PI4KA: variants seen among roughly 807,000 people sequenced by gnomAD.
PI4KA encodes PI4-kinase alpha.
In PI4KA, 122 loss-of-function variants were observed where a neutral mutation model predicts 271.4. The observed-to-expected ratio is 0.45, with a 90% CI of 0.39 to 0.52. The LOEUF (loss-of-function observed/expected upper bound fraction) is 0.52, where lower values mean the gene tolerates loss of function less well. Ranked by LOEUF, PI4KA falls within the 20% of genes least tolerant of loss-of-function variation. The pLI, the probability that PI4KA is intolerant of heterozygous loss-of-function variation, is 0.00. For synonymous variants in PI4KA, 1,041 were observed against 1,078.8 expected (o/e 0.96, Z 0.69); for missense variants, 1,969 against 2,769.1 (o/e 0.71, Z 6.48).
intron 3 of PI4KA, among the ~76,000 whole-genome samples, chr22:20,829,212 A>G: frequency 6.6e-6 from 1 of 152,054 alleles, no homozygotes; most frequent in East Asian, 1.9e-4. Context: ...ATTTTTTGTA[A>G]TAGTTTCAGT....
At chr22:20,754,184 C>A (rs1454003497) in intron 23 of PI4KA, among the ~76,000 whole-genome samples, 3 of 152,078 alleles carry the variant, frequency 2.0e-5, no homozygotes, top group Non-Finnish European at 4.4e-5. Flanking sequence ...ATCTCCCAGG[C>A]TCAAGGGATC....
At chr22:20,744,112 T>G (rs1929783761) in intron 30 of PI4KA, among the ~76,000 whole-genome samples, 1 of 152,076 alleles carries the variant, frequency 6.6e-6, no homozygotes, top group African/African-American at 2.4e-5. Flanking sequence ...CTTCTGAGTT[T>G]ATGGAGCAGG....
At chr22:20,770,269 T>C (rs1601448573) in intron 19 of PI4KA, among the ~76,000 whole-genome samples, 1 of 151,416 alleles carries the variant, frequency 6.6e-6, no homozygotes. Context: ...TCCTAGCACT[T>C]TGGGAGGCTG....
chr22:20,732,431 C>G (rs1313761529), intron 36 of PI4KA, among the ~76,000 whole-genome samples: 1 of 152,172 alleles, frequency 6.6e-6, no homozygotes, highest in Non-Finnish European at 1.5e-5. Flanking sequence ...CATACCCTTC[C>G]CTGGAATGCT....
chr22:20,829,318 T>C (rs1214613014), intron 3 of PI4KA, among the ~76,000 whole-genome samples: 1 of 152,222 alleles, frequency 6.6e-6, no homozygotes, highest in Non-Finnish European at 1.5e-5. Context: ...TTTTTACTAC[T>C]GACTCAATTT....
At position 20,753,019 on chromosome 22, in the gene PI4KA, G is replaced by C. The variant is rs149585703; in HGVS notation, c.2871C>G (p.Thr957=). ...FLNMMADKAK[T]KENEEELERH... is the part of the protein sequence containing the mutation. Reference sequence around the variant, plus strand: ...GCTCCAGCTCCTCCTCGTTCTCCTTGGTCTTGGCCTAGAGATGCAAAAGAA... The same window carrying C: ...GCTCCAGCTCCTCCTCGTTCTCCTTCGTCTTGGCCTAGAGATGCAAAAGAA... The change falls in exon 25 of 55, where the codon ACC becomes ACG. Residue 957 remains threonine (T), a synonymous_variant. Coordinates refer to ENST00000255882, the MANE Select transcript of PI4KA (RefSeq NM_058004.4). 3 of 1,614,038 alleles carry C rather than the reference G, an allele frequency of 1.9e-6. No homozygotes were observed. The highest frequency in any genetic ancestry group is 2.5e-6 in the Non-Finnish European group (3 of 1,180,020).
At chr22:20,727,960 A>G in intron 39 of PI4KA, 96 bp from the exon 40 acceptor site, 1 of 818,130 alleles carries the variant, frequency 1.2e-6, no homozygotes, top group Admixed American at 2.5e-5. Flanking sequence ...GAAACACTGA[A>G]CTGGAGGGAT....
intron 43 of PI4KA, among the ~76,000 whole-genome samples, chr22:20,720,580 TGTG>T (rs1272419729): frequency 6.6e-6 from 1 of 152,160 alleles, no homozygotes; most frequent in Non-Finnish European, 1.5e-5. Flanking sequence ...ACTTCTCAAG[TGTG>T]GTGCAGTATC....
rs1484827617 is a variant in PI4KA, at chr22:20,787,249, A to G, written c.2328+5944T>C. 4 of 642,580 alleles carry G rather than the reference A, an allele frequency of 6.2e-6. No homozygotes were observed. The African/African-American group carries it at 7.3e-5, about 12-fold the overall frequency. The allele number at this position is 642,580 out of a possible 1,614,324, so 39.8% of individuals were successfully genotyped here. A position where few individuals can be genotyped will look rare whatever the true frequency, so the allele number is the denominator to read the frequency against. On this transcript the variant is annotated intron_variant, in intron 19 of 54. Coordinates refer to ENST00000255882, the MANE Select transcript of PI4KA (RefSeq NM_058004.4). ...AGAGGCTTGTTGGAATCAATTCTGC[A>G]CAATAGCCCATGCTGTAAGCTCATA...
rs886192073 is a variant in PI4KA at position 20,759,402 on chromosome 22, CTTTTTTTTTT to C, written c.2791+1892_2791+1901del. ...TTGATTTTTCTTTTTCTTTTCTTTTCTTTTTTTTTTTTTTTTTTTTTGAGACAGAGTCTCT... is the reference window on the plus strand; with the variant it reads ...TTGATTTTTCTTTTTCTTTTCTTTTCTTTTTTTTTTTGAGACAGAGTCTCT... On this transcript the variant is annotated intron_variant, in intron 23 of 54. Coordinates refer to ENST00000255882, the MANE Select transcript of PI4KA (RefSeq NM_058004.4). Among the ~76,000 whole-genome samples the C allele has an allele frequency of 3.7e-3, 381 of 102,896 alleles. 4 individuals are homozygous for C. The highest frequency in any genetic ancestry group is 5.9e-3 in the Admixed American group (52 of 8,866). 67.5% of individuals were successfully genotyped at this position (102,896 alleles called of 152,430 possible). A position where few individuals can be genotyped will look rare whatever the true frequency, so the allele number is the denominator to read the frequency against.
chr22:20,849,839 G>A (rs182220867), intron 1 of PI4KA, among the ~76,000 whole-genome samples: 2 of 152,082 alleles, frequency 1.3e-5, no homozygotes, highest in South Asian at 4.1e-4. Context: ...GGGCTCCAGA[G>A]CGAAACTCTG....
At chr22:20,807,566 T>TA in intron 9 of PI4KA, 108 bp from the exon 10 acceptor site, 1 of 655,112 alleles carries the variant, frequency 1.5e-6, no homozygotes, top group East Asian at 2.7e-5. Context: ...CTTAGCATTC[T>TA]AAATGAAGCA....
chr22:20,793,474 T>G, intron 18 of PI4KA: 1 of 454,804 alleles, frequency 2.2e-6, no homozygotes, highest in Middle Eastern at 6.1e-4. Flanking sequence ...ATTACATAAA[T>G]CATGGTACTT....
chr22:20,792,276 G>A (rs974604036), intron 19 of PI4KA, among the ~76,000 whole-genome samples: 2 of 152,166 alleles, frequency 1.3e-5, no homozygotes, highest in Admixed American at 6.5e-5. Context: ...GAATAATGAT[G>A]AACACTCAGA....
chr22:20,756,360 A>C (rs879430703), intron 23 of PI4KA, among the ~76,000 whole-genome samples: 534 of 152,042 alleles, frequency 3.5e-3, no homozygotes, highest in Non-Finnish European at 6.1e-3. Flanking sequence ...AGGTGGGATT[A>C]CAGGCATGCG....
In PI4KA at chr22:20,784,199, C is replaced by T. The variant is rs142898872; in HGVS notation, c.2328+8994G>A. On this transcript the variant is annotated intron_variant, in intron 19 of 54. Coordinates refer to ENST00000255882, the MANE Select transcript of PI4KA (RefSeq NM_058004.4). Reference sequence around the variant, plus strand: ...TGGGATGAAGACCCTCGAAGCGCAACTGACACCCCGGGTGGTGGAGAGATG... The same window carrying T: ...TGGGATGAAGACCCTCGAAGCGCAATTGACACCCCGGGTGGTGGAGAGATG... 8.7e-6 allele frequency: 14 copies of T among 1,614,214 alleles called. No homozygotes were observed. In the African/African-American group the frequency reaches 1.5e-4, roughly 17 times the overall value.
At chr22:20,746,069 T>C (rs1448116232) in intron 29 of PI4KA, among the ~76,000 whole-genome samples, 1 of 141,836 alleles carries the variant, frequency 7.1e-6, no homozygotes, top group Non-Finnish European at 1.5e-5. Context: ...GAATTTTTTT[T>C]TTTTTTTTTT....
chr22:20,729,342 A>T lies in PI4KA; in HGVS notation c.4653T>A (p.Ser1551=), dbSNP rs1163283442. ...KDNVNLAWSI[S]PYLAVQLPAR... The stretch of plus-strand genomic sequence containing the variant: ...CAGGCAGCTGCACGGCTAGGTAGGG[A>T]GAGATGCTCCAGGCGAGGTTCACGT... Residue 1551 remains serine, a synonymous_variant, in exon 39 of 55, where the codon TCT becomes TCA. Coordinates refer to ENST00000255882, the MANE Select transcript of PI4KA (RefSeq NM_058004.4). 1.9e-6 allele frequency: 3 copies of T among 1,613,702 alleles called. No homozygotes were observed. Among genetic ancestry groups the T allele is most frequent in the Admixed American group, 3.3e-5 (2 of 59,996 alleles).
At chr22:20,749,353 T>C (rs1029881513) in intron 28 of PI4KA, among the ~76,000 whole-genome samples, 8 of 152,256 alleles carry the variant, frequency 5.3e-5, no homozygotes, top group African/African-American at 1.7e-4. Context: ...TTGATTCCTT[T>C]TAAGGCAATT....
Sources: gnomAD v4.1 joint callset for allele counts (sites outside exome capture counted in the v4.1 genomes callset) on GRCh38, gnomAD v4.1.1 for gene constraint, MANE v1.5 for transcripts, NCBI Gene and HGNC (gene_info 2026-07-23, HGNC 2026-07-21) for gene names.